The following KCNH5 variants were observed in gnomAD, a reference collection of about 807,000 sequenced individuals.
The protein encoded by KCNH5 is potassium voltage-gated channel subfamily H member 5.
KCNH5 carries 46 observed loss-of-function variants against 96.1 expected under a neutral mutation model. The ratio of observed to expected loss-of-function variants is 0.48; its 90% CI spans 0.38 to 0.61. The LOEUF (loss-of-function observed/expected upper bound fraction) is 0.61. Ranked by LOEUF, KCNH5 falls within the 20% of genes least tolerant of loss-of-function variation. The probability of loss-of-function intolerance (pLI) is 0.00; values close to 1 mark genes in which losing one functional copy is unlikely to be tolerated. For missense variants in KCNH5, 907 were observed against 1,225.8 expected, an observed-to-expected ratio of 0.74 and a Z score of 3.88; for synonymous variants, 439 against 449.8, an observed-to-expected ratio of 0.98 and a Z score of 0.30.
intron 2 of KCNH5, among the ~76,000 whole-genome samples, chr14:63,009,992 T>C (rs1443204576): frequency 1.3e-5 from 2 of 152,194 alleles, no homozygotes; most frequent in African/African-American, 4.8e-5. Flanking sequence ...GTAACGGAAA[T>C]ATTTTTAAAA....
At chr14:62,853,160 T>A (rs1887842038) in intron 7 of KCNH5, among the ~76,000 whole-genome samples, 2 of 152,086 alleles carry the variant, frequency 1.3e-5, no homozygotes, top group Non-Finnish European at 2.9e-5. Flanking sequence ...CCATCAACAA[T>A]TCCTGTTGGC....
chr14:62,796,061 A>G (rs1886534487), intron 9 of KCNH5, among the ~76,000 whole-genome samples: 1 of 152,174 alleles, frequency 6.6e-6, no homozygotes, highest in African/African-American at 2.4e-5. Context: ...CAGGCCAGAA[A>G]GAAGAGCAAA....
rs555007959 is a variant in KCNH5, at chr14:62,844,250, T to C, written c.1569+5403A>G. Among the ~76,000 whole-genome samples the C allele has an allele frequency of 5.9e-5, 9 of 152,232 alleles. No individual in the cohort carries two copies. The South Asian group carries it at 1.9e-3, about 32-fold the overall frequency. On this transcript the variant is annotated intron_variant, in intron 8 of 10. Transcript: ENST00000322893. ...CTACATGTTAGAGAAAAAAGTAAGA[T>C]ATTGGAAAATACAAAAGGTAAGGTT...
chr14:62,919,566 G>A (rs748584091), intron 7 of KCNH5, among the ~76,000 whole-genome samples: 22 of 151,914 alleles, frequency 1.4e-4, no homozygotes, highest in Admixed American at 1.1e-3. Context: ...ATCTCTGTGC[G>A]CTCAATTTTC....
At chr14:62,871,174 C>T (rs1888246610) in intron 7 of KCNH5, among the ~76,000 whole-genome samples, 1 of 152,054 alleles carries the variant, frequency 6.6e-6, no homozygotes, top group South Asian at 2.1e-4. Context: ...ATCTGTGTAC[C>T]AGACTCTTTG....
intron 6 of KCNH5, among the ~76,000 whole-genome samples, chr14:62,950,973 T>C (rs1436501650): frequency 6.6e-6 from 1 of 152,230 alleles, no homozygotes; most frequent in Non-Finnish European, 1.5e-5. Flanking sequence ...AAGGTTTCTT[T>C]TCATTTCTTA....
intron 10 of KCNH5, among the ~76,000 whole-genome samples, chr14:62,718,492 A>C (rs2139910595): frequency 6.6e-6 from 1 of 152,356 alleles, no homozygotes; most frequent in Non-Finnish European, 1.5e-5. Context: ...GAGAAATGCA[A>C]ATTAAAACTA....
chr14:63,019,308 G>GA (rs1891383998), intron 1 of KCNH5, among the ~76,000 whole-genome samples: 1 of 151,920 alleles, frequency 6.6e-6, no homozygotes, highest in Non-Finnish European at 1.5e-5. Context: ...CAATCACAAT[G>GA]AAAATGACAA....
chr14:62,725,002 G>A lies in KCNH5; in HGVS notation c.2020-16547C>T, dbSNP rs1367710127. Among the ~76,000 whole-genome samples, 4 of 152,198 alleles carry A rather than the reference G, an allele frequency of 2.6e-5. No homozygotes were observed. The East Asian group carries it at 5.8e-4, about 22-fold the overall frequency. On this transcript the variant is annotated intron_variant, in intron 10 of 10. Transcript: ENST00000322893. ...GTCATCATTGGAAAGTCTGGTTAAA[G>A]AGATTTGAGCTCTGTGCATTATTGA...
intron 9 of KCNH5, among the ~76,000 whole-genome samples, chr14:62,792,536 G>A (rs1886456114): frequency 6.6e-6 from 1 of 151,450 alleles, no homozygotes; most frequent in African/African-American, 2.4e-5. Flanking sequence ...AAAGAGAATG[G>A]CATATTATAA....
At chr14:63,006,508 T>C (rs1328833346) in intron 2 of KCNH5, 36 bp from the exon 3 acceptor site, 1 of 1,232,074 alleles carries the variant, frequency 8.1e-7, no homozygotes, top group African/African-American at 1.5e-5. Flanking sequence ...CGATTTCACT[T>C]TTGTGTTGCC....
rs150657378 is a variant in KCNH5 at position 62,782,592 on chromosome 14, C to T, written c.1823-2668G>A. ...AAGGGAGGCCAAGGCAGGCGGATCA[C>T]GAGGTCAGAAGATCGAGACCATCCT... On this transcript the variant is annotated intron_variant, in intron 9 of 10. Coordinates refer to ENST00000322893, the MANE Select transcript of KCNH5 (RefSeq NM_139318.5). 3.1e-3 allele frequency among the ~76,000 whole-genome samples: 479 copies of T among 152,144 alleles called. 4 individuals are homozygous for T. The highest frequency in any genetic ancestry group is 0.011 in the African/African-American group (448 of 41,520).
At position 62,765,584 on chromosome 14, in the gene KCNH5, C is replaced by T. The variant is rs141453356; in HGVS notation, c.2019+14144G>A. Among the ~76,000 whole-genome samples, 186 of 152,134 alleles carry T rather than the reference C, an allele frequency of 1.2e-3. 2 individuals are homozygous for T. Among genetic ancestry groups the T allele is most frequent in the Non-Finnish European group, 8.1e-4 (55 of 67,990 alleles). ...AACTATCAACAGAGTAAACAGACAA[C>T]GTACATAATGAGAGAAAAGTTTTAA... On this transcript the variant is annotated intron_variant, in intron 10 of 10. Transcript: ENST00000322893.
rs187939238 is a variant in KCNH5 at position 62,976,301 on chromosome 14, G to A, written c.942+4571C>T. Among the ~76,000 whole-genome samples the A allele has an allele frequency of 5.9e-3, 899 of 151,760 alleles. 13 individuals are homozygous for A. Among genetic ancestry groups the A allele is most frequent in the African/African-American group, 0.02 (836 of 41,358 alleles). ...GCCTGTAGTCCCAGCTACTCAGGAGGCTGTGGCAGGAGAATGGCGTGAACC... is the reference window on the plus strand; with the variant it reads ...GCCTGTAGTCCCAGCTACTCAGGAGACTGTGGCAGGAGAATGGCGTGAACC... On this transcript the variant is annotated intron_variant, in intron 6 of 10. Transcript: ENST00000322893.
At chr14:62,931,563 A>T (rs1889582101) in intron 7 of KCNH5, among the ~76,000 whole-genome samples, 1 of 152,208 alleles carries the variant, frequency 6.6e-6, no homozygotes, top group African/African-American at 2.4e-5. Context: ...AGCATAGGAC[A>T]AGTAGTAACT....
chr14:62,928,935 T>C (rs1032951125), intron 7 of KCNH5, among the ~76,000 whole-genome samples: 2 of 152,028 alleles, frequency 1.3e-5, no homozygotes, highest in African/African-American at 2.4e-5. Flanking sequence ...ACTTTAAATA[T>C]CAGCTCCGTA....
rs143581971 is a variant in KCNH5 at position 62,707,753 on chromosome 14, T to A, written c.2722A>T (p.Thr908Ser). The change falls in exon 11 of 11, where the codon ACC becomes TCC. Residue 908 changes from threonine (T) to serine (S), a missense_variant. Transcript: ENST00000322893. ...TCGTGTTTGACTTCCTGCAGTGTGGTCTGTAAGGCCTGCTCGGGGATGGGA... is the reference window on the plus strand; with the variant it reads ...TCGTGTTTGACTTCCTGCAGTGTGGACTGTAAGGCCTGCTCGGGGATGGGA... ...FYPIPEQALQ[T>S]TLQEVKHELK... is the part of the protein sequence containing the mutation. The A allele has an allele frequency of 3.7e-6, 6 of 1,613,990 alleles. No homozygotes were observed. The East Asian group carries it at 6.7e-5, about 18-fold the overall frequency.
intron 8 of KCNH5, among the ~76,000 whole-genome samples, chr14:62,831,507 C>T (rs1480096256): frequency 6.6e-6 from 1 of 152,098 alleles, no homozygotes; most frequent in Non-Finnish European, 1.5e-5. Context: ...TGTTCATCGA[C>T]CATTTATATT....
intron 10 of KCNH5, among the ~76,000 whole-genome samples, chr14:62,739,681 C>T (rs1334603502): frequency 1.3e-5 from 2 of 152,082 alleles, no homozygotes; most frequent in African/African-American, 4.8e-5. Context: ...TACTGTTGTA[C>T]AGACCAAAAC....
Sources: allele counts gnomAD v4.1 joint callset (sites outside exome capture counted in the v4.1 genomes callset), GRCh38; gene constraint gnomAD v4.1.1; transcripts MANE v1.5; gene names NCBI Gene and HGNC (gene_info 2026-07-23, HGNC 2026-07-21).